The following PANX1 variants were observed in gnomAD, a reference collection of about 807,000 sequenced individuals.
PANX1 encodes pannexin 1.
Under a neutral mutation model 38.7 loss-of-function variants are expected in PANX1, and 30 were observed. The observed-to-expected ratio is 0.78, with a 90% CI of 0.58 to 1.05. The LOEUF is 1.05. PANX1 is among the 50% of genes least tolerant of loss of function. The pLI, the probability that PANX1 is intolerant of heterozygous loss-of-function variation, is 0.00. For missense variants in PANX1, 551 were observed against 517.2 expected (o/e 1.07, Z -0.63); for synonymous variants, 230 against 212.2 (o/e 1.08, Z -0.73).
chr11:94,131,749 A>G (rs898999021), intron 1 of PANX1, among the ~76,000 whole-genome samples: 3 of 152,214 alleles, frequency 2.0e-5, no homozygotes, highest in South Asian at 2.1e-4. Flanking sequence ...GCTTTTGAGA[A>G]GAGGGGAGAG....
At chr11:94,147,948 T>A (rs1200821038) in intron 1 of PANX1, among the ~76,000 whole-genome samples, 3 of 152,198 alleles carry the variant, frequency 2.0e-5, no homozygotes, top group African/African-American at 4.8e-5. Flanking sequence ...AAGGAAACAT[T>A]TGATGATGCT....
intron 1 of PANX1, among the ~76,000 whole-genome samples, chr11:94,133,630 T>C (rs940849615): frequency 6.6e-6 from 1 of 152,180 alleles, no homozygotes; most frequent in African/African-American, 2.4e-5. Context: ...AGTCAGCCTT[T>C]CTAAAATACT....
chr11:94,152,902 G>C lies in PANX1; in HGVS notation c.182-589G>C, dbSNP rs190563591. ...ATCTGCTGTTGGGAGGTTTGCAGTC[G>C]TGAGCGTTTCCCTTCCAAATGTAAA... On this transcript the variant is annotated intron_variant, in intron 1 of 4. Coordinates refer to ENST00000227638, the MANE Select transcript of PANX1 (RefSeq NM_015368.4). 2.3e-4 allele frequency among the ~76,000 whole-genome samples: 35 copies of C among 152,258 alleles called. 1 individual carries two copies. The East Asian group carries it at 6.8e-3, about 29-fold the overall frequency.
Position 94,179,629 on chromosome 11 carries a change from C to G in PANX1, c.573C>G (p.Phe191Leu), listed in dbSNP as rs979995059. 3 of 1,613,668 alleles carry G rather than the reference C, an allele frequency of 1.9e-6. No individual in the cohort carries two copies. Among genetic ancestry groups the G allele is most frequent in the Non-Finnish European group, 2.5e-6 (3 of 1,179,726 alleles). Reference sequence around the variant, plus strand: ...TGTGGGAGGTATCTGAAAGCCACTTCAAGTACCCAATTGTGGAGCAGTACT... The same window carrying G: ...TGTGGGAGGTATCTGAAAGCCACTTGAAGTACCCAATTGTGGAGCAGTACT... Reference protein sequence around the residue: ...QSLWEVSESHFKYPIVEQYLK... With the variant: ...QSLWEVSESHLKYPIVEQYLK... The change falls in exon 4 of 5, where the codon TTC becomes TTG. Residue 191 changes from phenylalanine (F) to leucine (L), a missense_variant. Coordinates refer to ENST00000227638, the MANE Select transcript of PANX1 (RefSeq NM_015368.4).
intron 2 of PANX1, among the ~76,000 whole-genome samples, chr11:94,163,899 TC>T (rs1450392207): frequency 6.6e-6 from 1 of 152,188 alleles, no homozygotes; most frequent in Non-Finnish European, 1.5e-5. Flanking sequence ...TTACTGCCTC[TC>T]CCTTGTTACT....
intron 1 of PANX1, among the ~76,000 whole-genome samples, chr11:94,133,785 T>C (rs1380822180): frequency 6.6e-6 from 1 of 152,154 alleles, no homozygotes; most frequent in African/African-American, 2.4e-5. Flanking sequence ...CCAGCCCTCA[T>C]TTTTCCTTCC....
chr11:94,159,056 G>A (rs1265231789), intron 2 of PANX1, among the ~76,000 whole-genome samples: 1 of 152,186 alleles, frequency 6.6e-6, no homozygotes, highest in East Asian at 1.9e-4. Context: ...TACATTTATT[G>A]ATTTGCGTAT....
chr11:94,146,534 T>A (rs1027083172), intron 1 of PANX1, among the ~76,000 whole-genome samples: 3 of 152,174 alleles, frequency 2.0e-5, no homozygotes, highest in African/African-American at 7.2e-5. Context: ...GTGCCCACCA[T>A]AGCTGATGTC....
At position 94,129,714 on chromosome 11, in the gene PANX1, T is replaced by G. The variant is rs148835354; in HGVS notation, c.181+221T>G. Among the ~76,000 whole-genome samples, 3 of 152,318 alleles carry G rather than the reference T, an allele frequency of 2.0e-5. No individual in the cohort carries two copies. In the East Asian group the frequency reaches 5.8e-4, roughly 29 times the overall value. On this transcript the variant is annotated intron_variant, in intron 1 of 4. Transcript: ENST00000227638. Reference sequence around the variant, plus strand: ...TCGCATCCCTACTCCTCAGTTCTTTTGTTCCTCATGCCCCTCTGATCGGAC... The same window carrying G: ...TCGCATCCCTACTCCTCAGTTCTTTGGTTCCTCATGCCCCTCTGATCGGAC...
At chr11:94,131,147 G>A (rs1946625423) in intron 1 of PANX1, among the ~76,000 whole-genome samples, 1 of 151,630 alleles carries the variant, frequency 6.6e-6, no homozygotes, top group Non-Finnish European at 1.5e-5. Flanking sequence ...GAGTAAAAGA[G>A]GCATGATCCC....
chr11:94,150,890 C>T (rs553595015), intron 1 of PANX1, among the ~76,000 whole-genome samples: 1 of 152,272 alleles, frequency 6.6e-6, no homozygotes, highest in South Asian at 2.1e-4. Flanking sequence ...TCCAACAAAG[C>T]CCTGGTCCCC....
intron 1 of PANX1, among the ~76,000 whole-genome samples, chr11:94,151,608 G>T (rs1416226092): frequency 6.6e-6 from 1 of 152,206 alleles, no homozygotes; most frequent in Admixed American, 6.5e-5. Context: ...GCCTTGGTAG[G>T]TGGTTGGCTT....
At chr11:94,159,966 T>C (rs1947003273) in intron 2 of PANX1, among the ~76,000 whole-genome samples, 1 of 152,264 alleles carries the variant, frequency 6.6e-6, no homozygotes, top group South Asian at 2.1e-4. Context: ...TCTTTATTTC[T>C]GTCTTCATTT....
intron 2 of PANX1, among the ~76,000 whole-genome samples, chr11:94,161,359 C>T (rs1388021890): frequency 3.9e-5 from 6 of 152,238 alleles, no homozygotes; most frequent in Admixed American, 3.9e-4. Flanking sequence ...CTTTCAGGTA[C>T]ACCAATCAGA....
intron 1 of PANX1, among the ~76,000 whole-genome samples, chr11:94,134,784 G>A (rs939914156): frequency 6.6e-6 from 1 of 152,054 alleles, no homozygotes; most frequent in African/African-American, 2.4e-5. Flanking sequence ...GCTGGGAGAA[G>A]GGGGCCATCT....
At chr11:94,153,141 C>A (rs1000454692) in intron 1 of PANX1, among the ~76,000 whole-genome samples, 1 of 152,132 alleles carries the variant, frequency 6.6e-6, no homozygotes, top group Non-Finnish European at 1.5e-5. Context: ...ATAACCTTTC[C>A]TTTTTCTCAA....
Position 94,180,046 on chromosome 11 carries a change from C to T in PANX1, c.990C>T (p.Leu330=). Reference sequence around the variant, plus strand: ...CTGAAGGGTACAACGATTTGAGCCTCTACAATCTCTTCTTGGAGGAAAATA... The same window carrying T: ...CTGAAGGGTACAACGATTTGAGCCTTTACAATCTCTTCTTGGAGGAAAATA... The part of the protein sequence containing the change: ...FKSEGYNDLS[L]YNLFLEENIS... Residue 330 remains leucine, a synonymous_variant, in exon 4 of 5, where the codon CTC becomes CTT. Coordinates refer to ENST00000227638, the MANE Select transcript of PANX1 (RefSeq NM_015368.4). The T allele has an allele frequency of 2.5e-6, 4 of 1,610,550 alleles. No individual in the cohort carries two copies. The highest frequency in any genetic ancestry group is 3.4e-6 in the Non-Finnish European group (4 of 1,177,532).
rs1435759561 is a variant in PANX1, at chr11:94,180,824, T to C, written c.1236T>C (p.Asn412=). The part of the protein sequence containing the change: ...MNIDSETKAN[N]GEKNARQRLL... The stretch of plus-strand genomic sequence containing the variant: ...TAGACAGTGAAACTAAAGCAAATAA[T>C]GGAGAGAAGAATGCCCGACAGAGAC... The change falls in exon 5 of 5, where the codon AAT becomes AAC. Residue 412 remains asparagine, a synonymous_variant. Transcript: ENST00000227638. 1.9e-6 allele frequency: 3 copies of C among 1,591,288 alleles called. No homozygotes were observed. The South Asian group carries it at 3.3e-5, about 18-fold the overall frequency.
chr11:94,132,751 A>G (rs1946645296), intron 1 of PANX1, among the ~76,000 whole-genome samples: 1 of 152,240 alleles, frequency 6.6e-6, no homozygotes, highest in Admixed American at 6.5e-5. Context: ...TATATTTTCC[A>G]GTTACTTTCC....
Sources: allele counts gnomAD v4.1 joint callset (sites outside exome capture counted in the v4.1 genomes callset), GRCh38; gene constraint gnomAD v4.1.1; transcripts MANE v1.5; gene names NCBI Gene and HGNC (gene_info 2026-07-23, HGNC 2026-07-21).